Variants in PAX2 observed in about 807,000 individuals in gnomAD.
The protein encoded by PAX2 is paired box 2.
Under a neutral mutation model 41.7 loss-of-function variants are expected in PAX2, and 9 were observed. The observed-to-expected ratio is 0.22, with a 90% CI of 0.13 to 0.38. PAX2 has a LOEUF of 0.38. Among genes scored for constraint, PAX2 ranks in the 10% least tolerant of loss-of-function variants. The probability of loss-of-function intolerance (pLI) is 1.00; values close to 1 mark genes in which losing one functional copy is unlikely to be tolerated. For synonymous variants in PAX2, 221 were observed against 212.7 expected (o/e 1.04, Z -0.34); for missense variants, 418 against 531.6 (o/e 0.79, Z 2.10).
At chr10:100,757,331 G>A (rs1845670322) in intron 3 of PAX2, among the ~76,000 whole-genome samples, 2 of 152,222 alleles carry the variant, frequency 1.3e-5, no homozygotes, top group Non-Finnish European at 1.5e-5. Flanking sequence ...GCCACTGGGC[G>A]AAGTGGCAGC....
At chr10:100,807,552 C>T (rs914754150) in intron 6 of PAX2, among the ~76,000 whole-genome samples, 2 of 152,186 alleles carry the variant, frequency 1.3e-5, no homozygotes, top group African/African-American at 4.8e-5. Flanking sequence ...TGCTCCCTCA[C>T]CCACAGCCCA....
chr10:100,820,396 T>C lies in PAX2; in HGVS notation c.920-4252T>C, dbSNP rs115546340. ...CCCTTGAAACAAGGAAGTTACCTCA[T>C]CATCTGGAAGGCTATTCATCTTTAA... On this transcript the variant is annotated intron_variant, in intron 7 of 9. Coordinates refer to ENST00000355243, the MANE Select transcript of PAX2 (RefSeq NM_000278.5). 4.8e-3 allele frequency among the ~76,000 whole-genome samples: 727 copies of C among 152,348 alleles called. 5 individuals carry two copies. The highest frequency in any genetic ancestry group is 0.017 in the African/African-American group (692 of 41,586).
intron 7 of PAX2, among the ~76,000 whole-genome samples, chr10:100,809,539 A>G (rs1847919963): frequency 6.6e-6 from 1 of 152,208 alleles, no homozygotes; most frequent in Admixed American, 6.5e-5. Flanking sequence ...CAAGTTGCCC[A>G]GAATCATGAG....
rs969424098 is a variant in PAX2, at chr10:100,750,347, G to A, written c.213-347G>A. Among the ~76,000 whole-genome samples the A allele has an allele frequency of 1.3e-5, 2 of 152,138 alleles. No individual in the cohort carries two copies. The highest frequency in any genetic ancestry group is 2.1e-4 in the South Asian group (1 of 4,824). On this transcript the variant is annotated intron_variant, in intron 2 of 9. Transcript: ENST00000355243. This position sits in a 1 kb window ranked among gnomAD's most constrained non-coding sequence, Gnocchi z 4.1. ...CTGTGCCCAGTAGGAAAGGGCTCGA[G>A]GTGGTGCCTCAACCCTGGCCTCCCA...
chr10:100,742,040 C>G (rs1844973611), upstream of PAX2, among the ~76,000 whole-genome samples: 1 of 152,208 alleles, frequency 6.6e-6, no homozygotes, highest in Non-Finnish European at 1.5e-5. Context: ...CACCAAGGCT[C>G]AGCCGCCTTC....
At chr10:100,742,278 C>T (rs117440655), upstream of PAX2, among the ~76,000 whole-genome samples, 1,836 of 152,302 alleles carry the variant, frequency 0.012, 25 homozygotes, top group Non-Finnish European at 0.02. Flanking sequence ...CACAACATGC[C>T]CAGAAACGCA....
chr10:100,757,340 G>A (rs540175036), intron 3 of PAX2, among the ~76,000 whole-genome samples: 12 of 152,356 alleles, frequency 7.9e-5, no homozygotes, highest in Non-Finnish European at 1.5e-4. Context: ...CGAAGTGGCA[G>A]CAGCAATAAG....
chr10:100,739,469 G>C (rs1844879494), intron 1 of PAX2, among the ~76,000 whole-genome samples: 1 of 152,192 alleles, frequency 6.6e-6, no homozygotes, highest in Non-Finnish European at 1.5e-5. Context: ...GATCCGAGAC[G>C]GTAGATTTGG....
At chr10:100,818,456 A>C (rs1848261868) in intron 7 of PAX2, among the ~76,000 whole-genome samples, 1 of 152,240 alleles carries the variant, frequency 6.6e-6, no homozygotes, top group Admixed American at 6.5e-5. Context: ...AGTTGCAAAC[A>C]AATCAGTGTC....
chr10:100,742,316 T>A (rs1844984365), upstream of PAX2, among the ~76,000 whole-genome samples: 2 of 150,508 alleles, frequency 1.3e-5, no homozygotes, highest in Admixed American at 6.6e-5. Context: ...CGCGCTTGGC[T>A]TGGCTTGGGG....
At chr10:100,781,516 G>A in intron 5 of PAX2, 151 bp downstream of exon 5, 1 of 855,622 alleles carries the variant, frequency 1.2e-6, no homozygotes, top group Admixed American at 1.8e-5. Context: ...CTGGCTCCTG[G>A]AGAGAGGGAG....
upstream of PAX2, among the ~76,000 whole-genome samples, chr10:100,744,304 A>C (rs969199071): frequency 3.9e-5 from 6 of 152,234 alleles, no homozygotes; most frequent in African/African-American, 1.2e-4. Context: ...TCGCAGACCC[A>C]GGGAAGCGGG....
At chr10:100,790,601 C>T (rs1209139286) in intron 5 of PAX2, among the ~76,000 whole-genome samples, 1 of 152,336 alleles carries the variant, frequency 6.6e-6, no homozygotes, top group East Asian at 1.9e-4. Flanking sequence ...AGTTCACCTC[C>T]CTGGGCGCCT....
chr10:100,801,766 C>T (rs1847573587), intron 5 of PAX2, among the ~76,000 whole-genome samples: 1 of 152,236 alleles, frequency 6.6e-6, no homozygotes, highest in Non-Finnish European at 1.5e-5. Flanking sequence ...AGCCAAGTGG[C>T]CTTCAACTGG....
chr10:100,755,314 G>C (rs1018531319), intron 3 of PAX2, among the ~76,000 whole-genome samples: 3 of 152,194 alleles, frequency 2.0e-5, no homozygotes, highest in Non-Finnish European at 4.4e-5. Flanking sequence ...TTTCTGGTGA[G>C]AGCAATTGCT....
chr10:100,798,368 G>A (rs545333391), intron 5 of PAX2, among the ~76,000 whole-genome samples: 4 of 151,912 alleles, frequency 2.6e-5, no homozygotes, highest in South Asian at 2.1e-4. Flanking sequence ...TGCCCACCTC[G>A]GCCTCCCAAA....
At chr10:100,810,615 C>T (rs1032432560) in intron 7 of PAX2, among the ~76,000 whole-genome samples, 1 of 152,250 alleles carries the variant, frequency 6.6e-6, no homozygotes, top group Non-Finnish European at 1.5e-5. Flanking sequence ...CAGGCCAGGC[C>T]ACCTTTCTCC....
chr10:100,780,984 C>T (rs1846597864), intron 4 of PAX2, among the ~76,000 whole-genome samples: 1 of 148,682 alleles, frequency 6.7e-6, no homozygotes, highest in Non-Finnish European at 1.5e-5. Flanking sequence ...CAGTGAAATC[C>T]ACAGGTCTGC....
At chr10:100,797,183 A>C (rs1384788053) in intron 5 of PAX2, among the ~76,000 whole-genome samples, 13 of 152,212 alleles carry the variant, frequency 8.5e-5, no homozygotes, top group African/African-American at 3.1e-4. Flanking sequence ...AAACTATGGG[A>C]CCCCTGCCTT....
Sources: allele counts gnomAD v4.1 joint callset (sites outside exome capture counted in the v4.1 genomes callset), GRCh38; gene constraint gnomAD v4.1.1; non-coding constraint Gnocchi (gnomAD v3.1); transcripts MANE v1.5; gene names NCBI Gene and HGNC (gene_info 2026-07-23, HGNC 2026-07-21).